The following TFAP2A variants were observed in gnomAD, a reference collection of about 807,000 sequenced individuals.
The protein encoded by TFAP2A is transcription factor AP-2-alpha.
Under a neutral mutation model 41.5 loss-of-function variants are expected in TFAP2A, and 7 were observed. That is an observed-to-expected ratio of 0.17 (90% confidence interval 0.10 to 0.32). The LOEUF is 0.32. Ranked by LOEUF, TFAP2A falls within the 10% of genes least tolerant of loss-of-function variation. The pLI, the probability that TFAP2A is intolerant of heterozygous loss-of-function variation, is 1.00. For synonymous variants in TFAP2A, 247 were observed against 242.8 expected (o/e 1.02, Z -0.16); for missense variants, 416 against 563.3 (o/e 0.74, Z 2.65).
At chr6:10,419,359 CCCCCT>C, upstream of TFAP2A, 2 of 1,436,834 alleles carry the variant, frequency 1.4e-6, no homozygotes, top group East Asian at 4.5e-5. Context: ...CCCGCTCCGG[CCCCCT>C]CCCCTACTCC....
In TFAP2A at chr6:10,398,199, G is replaced by C; in HGVS notation, c.*218C>G. 2 of 1,453,442 alleles carry C rather than the reference G, an allele frequency of 1.4e-6. No individual in the cohort carries two copies. Among genetic ancestry groups the C allele is most frequent in the South Asian group, 1.4e-5 (1 of 71,556 alleles). 90.0% of individuals were successfully genotyped at this position (1,453,442 alleles called of 1,614,324 possible). On this transcript the variant is annotated 3_prime_UTR_variant, in exon 7 of 7. Transcript: ENST00000379613. This position sits in a 1 kb window ranked among gnomAD's most constrained non-coding sequence, Gnocchi z 5.3. ...GGGTGTGGGAGCGGGTGGGGAGGTC[G>C]AGGCGGGTGCAGAGTCGGAGAGGCT...
At chr6:10,418,383 T>G (rs1281578527), upstream of TFAP2A, 1 of 152,210 alleles carries the variant, frequency 6.6e-6, no homozygotes, top group East Asian at 1.9e-4. Flanking sequence ...CTCAGATTTT[T>G]GGGGGGAAGT....
chr6:10,409,305 G>A (rs1436613797), intron 2 of TFAP2A: 4 of 152,810 alleles, frequency 2.6e-5, no homozygotes, highest in Non-Finnish European at 4.4e-5. Context: ...TGATTTATGA[G>A]GTCACCACTT....
intron 2 of TFAP2A, among the ~76,000 whole-genome samples, chr6:10,408,885 C>T (rs147246227): frequency 6.6e-6 from 1 of 152,374 alleles, no homozygotes; most frequent in African/African-American, 2.4e-5. Flanking sequence ...GGACATACTG[C>T]TGCAATATTT....
upstream of TFAP2A, chr6:10,419,528 G>A (rs1170517393): frequency 3.8e-6 from 6 of 1,581,760 alleles, no homozygotes; most frequent in East Asian, 1.3e-4. Flanking sequence ...CCCTGGAATC[G>A]CTTAGGCAAA....
chr6:10,400,730 AT>A, intron 5 of TFAP2A, 141 bp from the exon 6 acceptor site: 1 of 1,002,172 alleles, frequency 1.0e-6, no homozygotes, highest in Non-Finnish European at 1.5e-6. Flanking sequence ...CATTTCAGGC[AT>A]TTTATTTCCT....
At chr6:10,419,359 C>T, upstream of TFAP2A, 1 of 1,436,828 alleles carries the variant, frequency 7.0e-7, no homozygotes, top group Non-Finnish European at 9.8e-7. Context: ...CCCGCTCCGG[C>T]CCCCTCCCCT....
At chr6:10,401,396 T>C (rs1462481569) in intron 5 of TFAP2A, among the ~76,000 whole-genome samples, 1 of 152,154 alleles carries the variant, frequency 6.6e-6, no homozygotes, top group Admixed American at 6.5e-5. Flanking sequence ...TGATTTTTAA[T>C]GTAATGGTAC....
intron 3 of TFAP2A, chr6:10,405,537 TC>T (rs1365073289): frequency 6.6e-6 from 1 of 151,960 alleles, no homozygotes; most frequent in Non-Finnish European, 1.5e-5. Flanking sequence ...TATATATACT[TC>T]CTAGTTAAAA....
At chr6:10,407,867 C>G (rs1285087623) in intron 2 of TFAP2A, 1 of 152,170 alleles carries the variant, frequency 6.6e-6, no homozygotes, top group South Asian at 2.1e-4. Flanking sequence ...ACTCAATGCT[C>G]TCATTTGTAA....
intron 4 of TFAP2A, among the ~76,000 whole-genome samples, chr6:10,404,219 G>A (rs983531735): frequency 1.3e-5 from 2 of 152,238 alleles, no homozygotes; most frequent in Admixed American, 6.5e-5. Context: ...CTTGCGCGAG[G>A]AGGAGGGCGG....
At chr6:10,409,327 T>G (rs980678598) in intron 2 of TFAP2A, 12 of 153,808 alleles carry the variant, frequency 7.8e-5, no homozygotes, top group African/African-American at 2.9e-4. Flanking sequence ...GCACCCCTAG[T>G]AAGAAGAAGG....
At chr6:10,399,896 G>GTCTCTCTCTCTCTC in intron 6 of TFAP2A, among the ~76,000 whole-genome samples, 1 of 148,604 alleles carries the variant, frequency 6.7e-6, no homozygotes, top group African/African-American at 2.5e-5. Flanking sequence ...TGGGGTGTGG[G>GTCTCTCTCTCTCTC]TCTCTCTCTC....
chr6:10,398,744 C>A lies in TFAP2A; in HGVS notation c.1032-39G>T. ...GGAGCAGAGAGAGAGACATAAGGCT[C>A]CACTATGGGCAGCACTAGCAGCAAA... On this transcript the variant is annotated intron_variant, in intron 6 of 6. Transcript: ENST00000379613. The surrounding 1 kb of genome is among the most constrained non-coding windows in gnomAD (Gnocchi z 5.3). 1.2e-6 allele frequency: 2 copies of A among 1,608,418 alleles called. No individual in the cohort carries two copies. The highest frequency in any genetic ancestry group is 1.7e-6 in the Non-Finnish European group (2 of 1,176,250).
chr6:10,413,894 G>A (rs1287560862), intron 1 of TFAP2A, among the ~76,000 whole-genome samples: 1 of 150,706 alleles, frequency 6.6e-6, no homozygotes, highest in Non-Finnish European at 1.5e-5. Context: ...CAAAAGTTGG[G>A]ACTGCCACCT....
intron 6 of TFAP2A, among the ~76,000 whole-genome samples, chr6:10,399,001 A>G (rs1325947567): frequency 6.6e-6 from 1 of 152,226 alleles, no homozygotes. Context: ...AAAACATCCT[A>G]GACATAGGAA....
At chr6:10,411,924 G>C in intron 1 of TFAP2A, 1 of 1,197,250 alleles carries the variant, frequency 8.4e-7, no homozygotes, top group Non-Finnish European at 1.0e-6. Flanking sequence ...GTGTGGGTGC[G>C]TGCGTGTTCC....
Position 10,398,336 on chromosome 6 carries a change from G to A in TFAP2A, c.*81C>T, listed in dbSNP as rs369680359. Reference sequence around the variant, plus strand: ...AGTAGCAGCAGCAGGAAGGGTTGCTGATCCCGGAGCTGTCACCCGCCGGAG... The same window carrying A: ...AGTAGCAGCAGCAGGAAGGGTTGCTAATCCCGGAGCTGTCACCCGCCGGAG... On this transcript the variant is annotated 3_prime_UTR_variant, in exon 7 of 7. Coordinates refer to ENST00000379613, the MANE Select transcript of TFAP2A (RefSeq NM_001372066.1). The surrounding 1 kb of genome is among the most constrained non-coding windows in gnomAD (Gnocchi z 5.3). The A allele has an allele frequency of 2.5e-5, 40 of 1,595,062 alleles. No individual in the cohort carries two copies. In the East Asian group the frequency reaches 6.9e-4, roughly 27 times the overall value.
upstream of TFAP2A, chr6:10,415,188 G>GAGGGCGAGGAGA (rs370163373): frequency 6.7e-7 from 1 of 1,495,340 alleles, no homozygotes; most frequent in African/African-American, 1.4e-5. Context: ...GGAGGAGGAG[G>GAGGGCGAGGAGA]AGGGCGAGGA....
Sources: gnomAD v4.1 joint callset for allele counts (sites outside exome capture counted in the v4.1 genomes callset) on GRCh38, gnomAD v4.1.1 for gene constraint, Gnocchi (gnomAD v3.1) non-coding constraint, MANE v1.5 for transcripts, NCBI Gene and HGNC (gene_info 2026-07-23, HGNC 2026-07-21) for gene names.